The following TDRD3 variants were observed in gnomAD, a reference collection of about 807,000 sequenced individuals.
The protein encoded by TDRD3 is tudor domain-containing protein 3.
Under a neutral mutation model 86.7 loss-of-function variants are expected in TDRD3, and 45 were observed. The observed-to-expected ratio is 0.52, with a 90% CI of 0.41 to 0.67. TDRD3 has a LOEUF of 0.67. Ranked by LOEUF, TDRD3 falls within the 30% of genes least tolerant of loss-of-function variation. TDRD3 has a pLI of 0.00. For synonymous variants in TDRD3, 298 were observed against 301.7 expected, an observed-to-expected ratio of 0.99 and a Z score of 0.13; for missense variants, 814 against 889.0, an observed-to-expected ratio of 0.92 and a Z score of 1.07.
At chr13:60,432,420 TC>T (rs1429136492) in intron 1 of TDRD3, among the ~76,000 whole-genome samples, 1 of 152,186 alleles carries the variant, frequency 6.6e-6, no homozygotes, top group Admixed American at 6.6e-5. Flanking sequence ...TACTGTATTT[TC>T]CCAAGTTATA....
intron 1 of TDRD3, among the ~76,000 whole-genome samples, chr13:60,424,340 C>T (rs1362936920): frequency 1.3e-5 from 2 of 151,198 alleles, no homozygotes; most frequent in Non-Finnish European, 2.9e-5. Flanking sequence ...TAAAAAACAA[C>T]TTTATTGAGT....
intron 10 of TDRD3, among the ~76,000 whole-genome samples, chr13:60,525,109 A>AAAC (rs1957389459): frequency 7.6e-6 from 1 of 131,140 alleles, no homozygotes; most frequent in African/African-American, 2.8e-5. Flanking sequence ...AAAAAAAAAA[A>AAAC]CCCCACAATT....
chr13:60,453,545 A>C (rs1019446007), intron 3 of TDRD3, among the ~76,000 whole-genome samples: 1 of 152,198 alleles, frequency 6.6e-6, no homozygotes, highest in Non-Finnish European at 1.5e-5. Context: ...CTCTTATTGG[A>C]ATAGCACTTG....
At chr13:60,503,022 C>T (rs541060657) in intron 8 of TDRD3, among the ~76,000 whole-genome samples, 1 of 152,124 alleles carries the variant, frequency 6.6e-6, no homozygotes, top group East Asian at 1.9e-4. Context: ...TCACAGAATA[C>T]CTTATTCAAT....
chr13:60,430,056 A>C (rs1954915236), intron 1 of TDRD3, among the ~76,000 whole-genome samples: 1 of 152,154 alleles, frequency 6.6e-6, no homozygotes, highest in Non-Finnish European at 1.5e-5. Flanking sequence ...TTTTTCGGCA[A>C]GGGTAAACTG....
At chr13:60,442,176 G>GT (rs1280304503) in intron 2 of TDRD3, among the ~76,000 whole-genome samples, 1 of 152,106 alleles carries the variant, frequency 6.6e-6, no homozygotes, top group East Asian at 1.9e-4. Flanking sequence ...AATCCAGCAT[G>GT]TAAGTTTTAC....
intron 8 of TDRD3, among the ~76,000 whole-genome samples, chr13:60,499,380 G>A (rs1956784346): frequency 6.6e-6 from 1 of 152,208 alleles, no homozygotes; most frequent in Non-Finnish European, 1.5e-5. Flanking sequence ...TCATTGACTT[G>A]GCAAATGCCT....
Position 60,510,650 on chromosome 13 carries a change from C to G in TDRD3, c.1036C>G (p.Arg346Gly). ...PLRGRGKGRG[R>G]IRSEDEEDLG... Reference sequence around the variant, plus strand: ...TAAAGGTAGAGGAAAAGGCAGGGGGCGAATAAGATCTGAAGATGAAGAGGA... The same window carrying G: ...TAAAGGTAGAGGAAAAGGCAGGGGGGGAATAAGATCTGAAGATGAAGAGGA... Residue 346 changes from arginine to glycine, a missense_variant, in exon 10 of 14, where the codon CGA becomes GGA. Coordinates refer to ENST00000377881, the MANE Select transcript of TDRD3 (RefSeq NM_001146070.2). The G allele has an allele frequency of 1.2e-6, 2 of 1,600,380 alleles. No individual in the cohort carries two copies. Among genetic ancestry groups the G allele is most frequent in the Non-Finnish European group, 8.5e-7 (1 of 1,173,410 alleles).
intron 8 of TDRD3, among the ~76,000 whole-genome samples, chr13:60,497,502 G>A (rs1248332264): frequency 2.0e-5 from 3 of 152,170 alleles, no homozygotes; most frequent in African/African-American, 7.2e-5. Context: ...CCCCAGCTAG[G>A]CTTAGGAATT....
chr13:60,506,514 G>A (rs1404195667), intron 8 of TDRD3, among the ~76,000 whole-genome samples: 1 of 152,256 alleles, frequency 6.6e-6, no homozygotes, highest in East Asian at 1.9e-4. Flanking sequence ...TGGAGGCCAG[G>A]GTGGGCGGAT....
At position 60,439,736 on chromosome 13, in the gene TDRD3, AG is replaced by A; in HGVS notation, c.91del (p.Val31SerfsTer3). 1 of 1,545,062 alleles carries A rather than the reference AG, an allele frequency of 6.5e-7. No homozygotes were observed. Among genetic ancestry groups the A allele is most frequent in the Non-Finnish European group, 8.7e-7 (1 of 1,144,944 alleles). ...AAGCTTGCACAAGCTCTCCAGACAAAGTCAATGTAAATGACATCATCCTGAT... is the reference window on the plus strand; with the variant it reads ...AAGCTTGCACAAGCTCTCCAGACAAATCAATGTAAATGACATCATCCTGAT... The part of the protein sequence containing the change: ...IEACTSSPDK[V>X]NVNDIILIAL... On this transcript the variant is annotated frameshift_variant, in exon 2 of 14. Coordinates refer to ENST00000377881, the MANE Select transcript of TDRD3 (RefSeq NM_001146070.2). LOFTEE classifies it high-confidence loss of function.
chr13:60,427,487 A>G lies in TDRD3; in HGVS notation c.42-12201A>G, dbSNP rs112325828. Among the ~76,000 whole-genome samples the G allele has an allele frequency of 3.4e-3, 513 of 152,054 alleles. 4 individuals carry two copies. The highest frequency in any genetic ancestry group is 0.012 in the African/African-American group (489 of 41,422). ...TCCTCTTTTCAAATCTTTTGTCTTCAGCTGGGATGTTTGGAGTCGGCTTCG... is the reference window on the plus strand; with the variant it reads ...TCCTCTTTTCAAATCTTTTGTCTTCGGCTGGGATGTTTGGAGTCGGCTTCG... On this transcript the variant is annotated intron_variant, in intron 1 of 13. Coordinates refer to ENST00000377881, the MANE Select transcript of TDRD3 (RefSeq NM_001146070.2).
chr13:60,423,083 T>C (rs1954703820), intron 1 of TDRD3, among the ~76,000 whole-genome samples: 1 of 152,154 alleles, frequency 6.6e-6, no homozygotes, highest in Admixed American at 6.5e-5. Context: ...AAAAGAATTA[T>C]AGTAGCATCA....
At chr13:60,451,641 T>C (rs1955545677) in intron 3 of TDRD3, among the ~76,000 whole-genome samples, 1 of 152,302 alleles carries the variant, frequency 6.6e-6, no homozygotes, top group African/African-American at 2.4e-5. Flanking sequence ...AATGGAACTC[T>C]ACTGCATTGT....
At chr13:60,479,310 G>A (rs1956263335) in intron 5 of TDRD3, among the ~76,000 whole-genome samples, 1 of 152,180 alleles carries the variant, frequency 6.6e-6, no homozygotes, top group Admixed American at 6.5e-5. Context: ...GCATGGTTTT[G>A]AGAGATCTTG....
At chr13:60,413,770 A>G (rs1457063993) in intron 1 of TDRD3, among the ~76,000 whole-genome samples, 1 of 152,156 alleles carries the variant, frequency 6.6e-6, no homozygotes, top group Non-Finnish European at 1.5e-5. Context: ...TGTTACTTCA[A>G]TAAAGATAAA....
intron 2 of TDRD3, among the ~76,000 whole-genome samples, chr13:60,443,653 A>G (rs1235738464): frequency 6.6e-6 from 1 of 151,956 alleles, no homozygotes; most frequent in Non-Finnish European, 1.5e-5. Flanking sequence ...TATTCATTTC[A>G]CATCACAGTA....
intron 10 of TDRD3, among the ~76,000 whole-genome samples, chr13:60,523,582 T>C (rs946977037): frequency 1.4e-5 from 2 of 144,340 alleles, no homozygotes; most frequent in Non-Finnish European, 3.0e-5. Flanking sequence ...TCTTTTTTTT[T>C]TTTTTTTTTT....
chr13:60,488,321 CT>C (rs1009923372), intron 7 of TDRD3, among the ~76,000 whole-genome samples: 2 of 152,092 alleles, frequency 1.3e-5, no homozygotes, highest in Admixed American at 1.3e-4. Flanking sequence ...TTCTTTGATA[CT>C]TTTTGAAAGG....
Sources: gnomAD v4.1 joint callset for allele counts (sites outside exome capture counted in the v4.1 genomes callset) on GRCh38, gnomAD v4.1.1 for gene constraint, MANE v1.5 for transcripts, NCBI Gene and HGNC (gene_info 2026-07-23, HGNC 2026-07-21) for gene names.